The following GRIK2 variants were observed in gnomAD, a reference collection of about 807,000 sequenced individuals.
GRIK2 encodes the protein glutamate receptor ionotropic, kainate 2.
In GRIK2, 32 loss-of-function variants were observed where a neutral mutation model predicts 100.3. The observed-to-expected ratio is 0.32, with a 90% CI of 0.24 to 0.43. The LOEUF (loss-of-function observed/expected upper bound fraction) is 0.43. Ranked by LOEUF, GRIK2 falls within the 20% of genes least tolerant of loss-of-function variation. The pLI is 1.00. For missense variants in GRIK2, 843 were observed against 1,114.9 expected, an observed-to-expected ratio of 0.76 and a Z score of 3.47; for synonymous variants, 417 against 389.4, an observed-to-expected ratio of 1.07 and a Z score of -0.83.
At chr6:101,582,011 A>C (rs1199048674) in intron 2 of GRIK2, among the ~76,000 whole-genome samples, 2 of 151,952 alleles carry the variant, frequency 1.3e-5, no homozygotes, top group Non-Finnish European at 2.9e-5. Context: ...TTTCCCCCAT[A>C]CTGTCCTTGT....
chr6:101,744,558 A>ATCTATATATATCTATATATATATATC (rs1554257130), intron 7 of GRIK2: 2 of 115,048 alleles, frequency 1.7e-5, no homozygotes, highest in African/African-American at 7.4e-5. Context: ...ATATATATAT[A>ATCTATATATATCTATATATATATATC]TCACAATTTC....
At chr6:102,056,557 G>C (rs1016305456) in intron 16 of GRIK2, among the ~76,000 whole-genome samples, 1 of 152,052 alleles carries the variant, frequency 6.6e-6, no homozygotes, top group Non-Finnish European at 1.5e-5. Context: ...AGAGTGAGAT[G>C]ATATAATCTT....
chr6:101,853,806 A>G (rs1257763787), intron 10 of GRIK2, among the ~76,000 whole-genome samples: 1 of 152,176 alleles, frequency 6.6e-6, no homozygotes, highest in Admixed American at 6.5e-5. Context: ...GGAAACTTAA[A>G]TGCTTATTAC....
intron 7 of GRIK2, among the ~76,000 whole-genome samples, chr6:101,720,732 GA>G (rs149000394): frequency 3.3e-5 from 5 of 150,204 alleles, no homozygotes; most frequent in East Asian, 2.0e-4. Flanking sequence ...GTCCTAGAAG[GA>G]AAAAAAAAGT....
Position 101,705,177 on chromosome 6 carries a change from T to A in GRIK2, c.951+18824T>A, listed in dbSNP as rs77758417. 3.1e-3 allele frequency among the ~76,000 whole-genome samples: 476 copies of A among 151,348 alleles called. 4 individuals are homozygous for A. Among genetic ancestry groups the A allele is most frequent in the Non-Finnish European group, 5.3e-3 (358 of 67,654 alleles). The stretch of plus-strand genomic sequence containing the variant: ...GGTTTTTAATTTGGAAGCAGGAGCT[T>A]GGCATTAATGTGTATAACATAACCT... On this transcript the variant is annotated intron_variant, in intron 7 of 16. Coordinates refer to ENST00000369134, the MANE Select transcript of GRIK2 (RefSeq NM_021956.5).
intron 14 of GRIK2, among the ~76,000 whole-genome samples, chr6:102,029,332 C>T (rs1015881906): frequency 3.3e-5 from 5 of 151,190 alleles, no homozygotes; most frequent in African/African-American, 4.8e-5. Context: ...TTCAACATGC[C>T]GGTTGTTTTC....
At chr6:101,520,216 A>G (rs921125173) in intron 2 of GRIK2, among the ~76,000 whole-genome samples, 2 of 151,950 alleles carry the variant, frequency 1.3e-5, no homozygotes, top group East Asian at 3.8e-4. Context: ...ACAAAATTCT[A>G]AAGGATTTTT....
chr6:101,798,967 T>C (rs1780492741), intron 7 of GRIK2, among the ~76,000 whole-genome samples: 1 of 152,122 alleles, frequency 6.6e-6, no homozygotes, highest in South Asian at 2.1e-4. Flanking sequence ...CTTTTATTCA[T>C]ATGGAAATCT....
intron 2 of GRIK2, among the ~76,000 whole-genome samples, chr6:101,539,759 T>C (rs191809986): frequency 6.1e-4 from 92 of 151,924 alleles, no homozygotes; most frequent in African/African-American, 2.1e-3. Context: ...TGTTCGTACA[T>C]GAAAAAAATT....
chr6:102,026,646 C>A (rs1436959299), intron 14 of GRIK2, among the ~76,000 whole-genome samples: 4 of 151,200 alleles, frequency 2.6e-5, no homozygotes, highest in Non-Finnish European at 5.9e-5. Context: ...CCAAATGATA[C>A]TAAACTTGCT....
intron 7 of GRIK2, among the ~76,000 whole-genome samples, chr6:101,782,585 C>T (rs1779164805): frequency 6.6e-6 from 1 of 152,196 alleles, no homozygotes; most frequent in Admixed American, 6.5e-5. Flanking sequence ...ATATATCCTA[C>T]ATTTTCTTTA....
intron 2 of GRIK2, among the ~76,000 whole-genome samples, chr6:101,499,996 AG>A (rs1434063297): frequency 6.6e-6 from 1 of 152,130 alleles, no homozygotes; most frequent in Admixed American, 6.6e-5. Context: ...TGTTATAGGT[AG>A]TATAACATTT....
intron 7 of GRIK2, among the ~76,000 whole-genome samples, chr6:101,708,253 G>T (rs1236926299): frequency 6.7e-6 from 1 of 150,122 alleles, no homozygotes; most frequent in African/African-American, 2.4e-5. Flanking sequence ...GATACAGAAT[G>T]TTTAAAAGAG....
intron 2 of GRIK2, among the ~76,000 whole-genome samples, chr6:101,471,584 A>G (rs555577173): frequency 4.6e-5 from 7 of 152,164 alleles, no homozygotes; most frequent in African/African-American, 1.7e-4. Context: ...ATACTAGTTA[A>G]CATGAAACTG....
chr6:101,694,982 TATAAA>T (rs571510092), intron 7 of GRIK2, among the ~76,000 whole-genome samples: 18 of 149,670 alleles, frequency 1.2e-4, no homozygotes, highest in Non-Finnish European at 2.7e-4. Context: ...ATATAAATAA[TATAAA>T]ATAAGAGGGA....
intron 4 of GRIK2, among the ~76,000 whole-genome samples, chr6:101,642,699 G>T (rs1781335919): frequency 6.6e-6 from 1 of 151,532 alleles, no homozygotes; most frequent in South Asian, 2.1e-4. Flanking sequence ...TATGGACATG[G>T]GTAAACAAAT....
chr6:101,485,260 G>C (rs1410105307), intron 2 of GRIK2, among the ~76,000 whole-genome samples: 1 of 152,104 alleles, frequency 6.6e-6, no homozygotes, highest in African/African-American at 2.4e-5. Context: ...GTATCATAGA[G>C]GTTAAATTAT....
chr6:101,787,320 C>T (rs1779495066), intron 7 of GRIK2, among the ~76,000 whole-genome samples: 1 of 150,958 alleles, frequency 6.6e-6, no homozygotes, highest in African/African-American at 2.4e-5. Context: ...CAGTTCTGAT[C>T]TTTATTATTT....
chr6:101,799,931 T>C, intron 8 of GRIK2, 140 bp downstream of exon 8: 1 of 649,120 alleles, frequency 1.5e-6, no homozygotes, highest in Non-Finnish European at 2.6e-6. Context: ...TAAGCAAAAT[T>C]AACATTTTTA....
Sources: gnomAD v4.1 joint callset for allele counts (sites outside exome capture counted in the v4.1 genomes callset) on GRCh38, gnomAD v4.1.1 for gene constraint, MANE v1.5 for transcripts, NCBI Gene and HGNC (gene_info 2026-07-23, HGNC 2026-07-21) for gene names.